Variants in TFEC observed in about 807,000 individuals in gnomAD.
TFEC encodes class E basic helix-loop-helix protein 34.
Under a neutral mutation model 41.6 loss-of-function variants are expected in TFEC, and 31 were observed. The observed-to-expected ratio is 0.74, with a 90% CI of 0.56 to 1.01. The LOEUF is 1.01. Among genes scored for constraint, TFEC ranks in the 50% least tolerant of loss-of-function variants. The pLI, the probability that TFEC is intolerant of heterozygous loss-of-function variation, is 0.00. For missense variants in TFEC, 402 were observed against 404.1 expected (o/e 0.99, Z 0.04); for synonymous variants, 143 against 140.6 (o/e 1.02, Z -0.12).
At chr7:115,985,139 A>G (rs1371317693) in intron 1 of TFEC, among the ~76,000 whole-genome samples, 1 of 152,146 alleles carries the variant, frequency 6.6e-6, no homozygotes, top group East Asian at 1.9e-4. Flanking sequence ...TAAAAATGAG[A>G]AAGTGGTATA....
At chr7:115,994,475 T>G (rs997835152) in intron 1 of TFEC, among the ~76,000 whole-genome samples, 2 of 152,094 alleles carry the variant, frequency 1.3e-5, no homozygotes, top group Non-Finnish European at 2.9e-5. Context: ...AGGGCTAATA[T>G]CTAGAATCTA....
In TFEC at chr7:116,046,830, C is replaced by A. The variant is rs571743354; in HGVS notation, c.199-62317G>T. Among the ~76,000 whole-genome samples the A allele has an allele frequency of 1.3e-4, 20 of 152,268 alleles. No individual in the cohort carries two copies. The East Asian group carries it at 3.7e-3, about 28-fold the overall frequency. ...ATATACAAAAATGGGCAAAATCATG[C>A]CACAATTTATAATTTTTGTTATGAT... On this transcript the variant is annotated intron_variant, in intron 3 of 8. Transcript: ENST00000484212.
chr7:116,085,030 TGAA>T (rs1797171104), intron 3 of TFEC, among the ~76,000 whole-genome samples: 1 of 151,788 alleles, frequency 6.6e-6, no homozygotes, highest in Admixed American at 6.6e-5. Context: ...GGAGATAGCT[TGAA>T]GAAAGAGAAA....
intron 1 of TFEC, among the ~76,000 whole-genome samples, chr7:116,158,497 C>T (rs1054592643): frequency 2.0e-5 from 3 of 152,044 alleles, no homozygotes; most frequent in Non-Finnish European, 2.9e-5. Flanking sequence ...CCAAATTTAA[C>T]GAGCTCACAT....
rs561311401 is a variant in TFEC at position 115,982,396 on chromosome 7, A to G, written c.180+1866T>C. On this transcript the variant is annotated intron_variant, in intron 2 of 7. Coordinates refer to ENST00000265440, the MANE Select transcript of TFEC (RefSeq NM_012252.4). ...TACTGACTATATCCAAAGACTATAC[A>G]CTTTCTGCCTTGAGTCAGACTCCAA... Among the ~76,000 whole-genome samples the G allele has an allele frequency of 2.0e-5, 3 of 152,292 alleles. No individual in the cohort carries two copies. The East Asian group carries it at 5.8e-4, about 29-fold the overall frequency.
intron 3 of TFEC, among the ~76,000 whole-genome samples, chr7:116,048,658 C>T (rs1796231135): frequency 6.6e-6 from 1 of 152,126 alleles, no homozygotes; most frequent in Non-Finnish European, 1.5e-5. Flanking sequence ...TCAAGAAGAG[C>T]AACTCCAAGA....
At chr7:116,141,317 AAAT>A (rs1055060743) in intron 1 of TFEC, among the ~76,000 whole-genome samples, 37 of 151,768 alleles carry the variant, frequency 2.4e-4, no homozygotes, top group African/African-American at 7.3e-4. Context: ...TTAATGTCAT[AAAT>A]AATAAATAAT....
chr7:116,153,199 T>G (rs1206347397), intron 1 of TFEC, among the ~76,000 whole-genome samples: 2 of 152,108 alleles, frequency 1.3e-5, no homozygotes, highest in Non-Finnish European at 2.9e-5. Context: ...CCCTTATCCT[T>G]TGAGCAAATT....
intron 1 of TFEC, among the ~76,000 whole-genome samples, chr7:115,999,805 T>C (rs533894235): frequency 3.5e-5 from 3 of 86,200 alleles, no homozygotes; most frequent in Non-Finnish European, 7.2e-5. Context: ...TCTGAACAAA[T>C]AATAAGTAGC....
chr7:116,077,501 C>A (rs1796986773), intron 3 of TFEC, among the ~76,000 whole-genome samples: 1 of 152,032 alleles, frequency 6.6e-6, no homozygotes, highest in African/African-American at 2.4e-5. Flanking sequence ...TAAGAATTCG[C>A]CAACCAAGTT....
At chr7:116,012,634 T>A (rs1415471503) in intron 1 of TFEC, among the ~76,000 whole-genome samples, 1 of 152,116 alleles carries the variant, frequency 6.6e-6, no homozygotes, top group East Asian at 1.9e-4. Flanking sequence ...CCATCTCTTA[T>A]AAAATTCTGT....
At chr7:116,139,486 T>C (rs1203727006) in intron 1 of TFEC, among the ~76,000 whole-genome samples, 1 of 152,222 alleles carries the variant, frequency 6.6e-6, no homozygotes, top group Non-Finnish European at 1.5e-5. Flanking sequence ...AGCTCACCTT[T>C]CATCACACTA....
At position 115,954,541 on chromosome 7, in the gene TFEC, G is replaced by T. The variant is rs1562886735; in HGVS notation, c.439+45C>A. 11 of 1,525,508 alleles carry T rather than the reference G, an allele frequency of 7.2e-6. 1 individual carries two copies. Among genetic ancestry groups the T allele is most frequent in the South Asian group, 7.0e-5 (6 of 85,900 alleles). 94.5% of individuals were successfully genotyped at this position (1,525,508 alleles called of 1,614,324 possible). On this transcript the variant is annotated intron_variant, in intron 5 of 7. Transcript: ENST00000265440. Reference sequence around the variant, plus strand: ...AAAGACCACACACCTTAACCTCTATGCATTTCCTTTTGCATTAATTTTATA... The same window carrying T: ...AAAGACCACACACCTTAACCTCTATTCATTTCCTTTTGCATTAATTTTATA...
intron 3 of TFEC, among the ~76,000 whole-genome samples, chr7:116,094,100 A>G: frequency 6.6e-6 from 1 of 152,222 alleles, no homozygotes; most frequent in East Asian, 1.9e-4. Context: ...CACCAACAGA[A>G]TAACATATGA....
At chr7:116,131,687 GA>G (rs1045627218) in intron 1 of TFEC, among the ~76,000 whole-genome samples, 42 of 151,812 alleles carry the variant, frequency 2.8e-4, no homozygotes, top group Middle Eastern at 3.4e-3. Context: ...GAGTGTACTT[GA>G]AAAAAAATTG....
intron 2 of TFEC, among the ~76,000 whole-genome samples, chr7:115,975,204 A>T (rs938927807): frequency 2.6e-5 from 3 of 114,194 alleles, no homozygotes; most frequent in Non-Finnish European, 7.0e-5. Flanking sequence ...TTATATGTTT[A>T]AAAAAATGGT....
intron 1 of TFEC, among the ~76,000 whole-genome samples, chr7:116,019,316 C>T (rs748883144): frequency 1.3e-4 from 20 of 152,142 alleles, no homozygotes; most frequent in East Asian, 3.9e-4. Flanking sequence ...CATAAGTGTC[C>T]GTGCTTGTAT....
chr7:116,004,194 T>C (rs372931829), intron 1 of TFEC, among the ~76,000 whole-genome samples: 1 of 152,174 alleles, frequency 6.6e-6, no homozygotes, highest in East Asian at 1.9e-4. Context: ...CTAAATATGA[T>C]TTTTTGAAAA....
chr7:116,157,859 C>G (rs1291256346), intron 1 of TFEC, among the ~76,000 whole-genome samples: 1 of 152,146 alleles, frequency 6.6e-6, no homozygotes, highest in Admixed American at 6.6e-5. Flanking sequence ...ATCTGCTGTC[C>G]TGCTTCCCAC....
Sources: allele counts gnomAD v4.1 joint callset (sites outside exome capture counted in the v4.1 genomes callset), GRCh38; gene constraint gnomAD v4.1.1; transcripts MANE v1.5; gene names NCBI Gene and HGNC (gene_info 2026-07-23, HGNC 2026-07-21).